The following C4orf50 variants were observed in gnomAD, a reference collection of about 807,000 sequenced individuals.
C4orf50 encodes chromosome 4 open reading frame 50.
Under a neutral mutation model 77.2 loss-of-function variants are expected in C4orf50, and 80 were observed. The ratio of observed to expected loss-of-function variants is 1.04; its 90% CI spans 0.87 to 1.25. The LOEUF is 1.25. C4orf50 is among the 50% of genes most tolerant of loss of function. The pLI is 0.00. For synonymous variants in C4orf50, 532 were observed against 465.3 expected (o/e 1.14, Z -1.84); for missense variants, 1,257 against 1,152.9 (o/e 1.09, Z -1.31).
intron 7 of C4orf50, among the ~76,000 whole-genome samples, chr4:5,936,290 G>A (rs890376376): frequency 5.3e-5 from 8 of 152,160 alleles, no homozygotes; most frequent in African/African-American, 1.2e-4. Context: ...GGATGGGTGC[G>A]GTGGCTCATG....
At chr4:5,913,158 C>G (rs1044732201) in intron 7 of C4orf50, among the ~76,000 whole-genome samples, 1 of 152,188 alleles carries the variant, frequency 6.6e-6, no homozygotes, top group African/African-American at 2.4e-5. Context: ...GTTACTTAAC[C>G]TCTTTCTTCC....
chr4:5,909,010 G>T lies in C4orf50; in HGVS notation c.*2475-10822C>A, dbSNP rs1204427098. Among the ~76,000 whole-genome samples the T allele has an allele frequency of 2.6e-5, 4 of 152,062 alleles. No individual in the cohort carries two copies. In the East Asian group the frequency reaches 7.7e-4, roughly 29 times the overall value. ...AGAGAGTTTCCTAACCAGGCTCCCTGCCTCAGGCTGTCCCCACACAATCCA... is the reference window on the plus strand; with the variant it reads ...AGAGAGTTTCCTAACCAGGCTCCCTTCCTCAGGCTGTCCCCACACAATCCA... On this transcript the variant is annotated intron_variant, in intron 7 of 7. Transcript: ENST00000324058.
Position 5,950,001 on chromosome 4 carries a change from A to AC in C4orf50, c.*2474+6899_*2474+6900insG, listed in dbSNP as rs1176781294. Among the ~76,000 whole-genome samples the AC allele has an allele frequency of 2.6e-5, 4 of 151,982 alleles. No individual in the cohort carries two copies. In the South Asian group the frequency reaches 6.2e-4, roughly 24 times the overall value. On this transcript the variant is annotated intron_variant, in intron 7 of 7. Transcript: ENST00000324058. ...TGAAACTCCATCTCAAAAAAAAAAA[A>AC]AAAAAGGTTAAAATGTAAATAAAAT...
rs768568673 is a variant in C4orf50, at chr4:6,008,136, G to T, written c.823C>A (p.Leu275Met). 1 of 399,046 alleles carries T rather than the reference G, an allele frequency of 2.5e-6. No homozygotes were observed. The highest frequency in any genetic ancestry group is 4.4e-6 in the Non-Finnish European group (1 of 226,092). 24.7% of individuals were successfully genotyped at this position (399,046 alleles called of 1,614,324 possible). A position where few individuals can be genotyped will look rare whatever the true frequency, so the allele number is the denominator to read the frequency against. ...TAGATGCAGCAGCGCAGCTCCTCCA[G>T]CTGCCCGCGGAGCTGGCGCTCGGTG... Residue 275 changes from leucine (L) to methionine (M), a missense_variant, in exon 25 of 34, where the codon CTG becomes ATG. Coordinates refer to ENST00000531445, the Ensembl canonical transcript of C4orf50. The surrounding 1 kb of genome is among the most constrained non-coding windows in gnomAD (Gnocchi z 6.0).
chr4:6,008,956 C>G lies in C4orf50; in HGVS notation c.427-424G>C, dbSNP rs1275692299. Among the ~76,000 whole-genome samples, 1 of 152,220 alleles carries G rather than the reference C, an allele frequency of 6.6e-6. No homozygotes were observed. Among genetic ancestry groups the G allele is most frequent in the Non-Finnish European group, 1.5e-5 (1 of 68,036 alleles). On this transcript the variant is annotated intron_variant, in intron 24 of 33. Coordinates refer to ENST00000531445, the Ensembl canonical transcript of C4orf50. This position sits in a 1 kb window ranked among gnomAD's most constrained non-coding sequence, Gnocchi z 6.0. ...AGAACTGCCCAGAGATCCCCACTTC[C>G]TACCTACAGGGTCAATGCTTGGCCC...
intron 33 of C4orf50, 61 bp from the exon 12 acceptor site, chr4:5,959,687 T>C: frequency 1.9e-6 from 3 of 1,543,480 alleles, no homozygotes; most frequent in African/African-American, 2.7e-5. Flanking sequence ...AGCCCCTCCA[T>C]TCACACATTT....
chr4:6,004,323 AATG>A (rs1722112358), intron 25 of C4orf50, among the ~76,000 whole-genome samples: 1 of 22,572 alleles, frequency 4.4e-5, no homozygotes, highest in Non-Finnish European at 1.1e-4. Context: ...ATGTGATCGT[AATG>A]GTGATGATGG....
At chr4:6,014,577 G>A (rs1413151701) in intron 23 of C4orf50, among the ~76,000 whole-genome samples, 1 of 152,172 alleles carries the variant, frequency 6.6e-6, no homozygotes, top group Admixed American at 6.5e-5. Context: ...CCTTTCCCCT[G>A]CCCCAGCTAG....
chr4:5,961,605 G>A (rs1167378495), intron 33 of C4orf50, among the ~76,000 whole-genome samples: 1 of 152,164 alleles, frequency 6.6e-6, no homozygotes, highest in Non-Finnish European at 1.5e-5. Flanking sequence ...CAGCTAATAG[G>A]AGCCTGCTGC....
chr4:6,014,514 T>C (rs1031428531), intron 23 of C4orf50, among the ~76,000 whole-genome samples: 6 of 152,230 alleles, frequency 3.9e-5, no homozygotes, highest in African/African-American at 1.4e-4. Flanking sequence ...TGAGAAGAAA[T>C]ACTTTTGTGC....
chr4:5,944,571 G>A (rs1352487956), intron 7 of C4orf50, among the ~76,000 whole-genome samples: 2 of 152,194 alleles, frequency 1.3e-5, no homozygotes, highest in Non-Finnish European at 2.9e-5. Context: ...CCACACCTTG[G>A]TTCATACCTC....
At chr4:5,948,793 CAAAAA>C (rs530516177) in intron 7 of C4orf50, among the ~76,000 whole-genome samples, 2 of 103,880 alleles carry the variant, frequency 1.9e-5, no homozygotes. Context: ...ACACCATCTC[CAAAAA>C]AAAAAAAAAA....
chr4:5,966,873 C>T (rs554867989), intron 32 of C4orf50, among the ~76,000 whole-genome samples: 15 of 152,278 alleles, frequency 9.9e-5, no homozygotes, highest in African/African-American at 3.6e-4. Flanking sequence ...TGGTCTCCAT[C>T]TCTTGACCTC....
chr4:5,930,667 G>A (rs923191658), intron 7 of C4orf50, among the ~76,000 whole-genome samples: 1 of 152,310 alleles, frequency 6.6e-6, no homozygotes, highest in East Asian at 1.9e-4. Context: ...CCCTGGGTGG[G>A]TCTGCTCATC....
In C4orf50 at chr4:5,979,820, G is replaced by A. The variant is rs562015709; in HGVS notation, c.3864+354C>T. ...CGTGTGTGTCTGCGTGTTAAGTCCC[G>A]TGCAATTCTGGTACCTGTATAGGTT... On this transcript the variant is annotated intron_variant, in intron 29 of 33. Coordinates refer to ENST00000531445, the Ensembl canonical transcript of C4orf50. Among the ~76,000 whole-genome samples, 30 of 152,298 alleles carry A rather than the reference G, an allele frequency of 2.0e-4. No homozygotes were observed. The South Asian group carries it at 3.9e-3, about 20-fold the overall frequency.
At chr4:5,985,401 T>TA (rs1720805595) in intron 28 of C4orf50, among the ~76,000 whole-genome samples, 1 of 151,908 alleles carries the variant, frequency 6.6e-6, no homozygotes, top group Admixed American at 6.6e-5. Flanking sequence ...AAATAAATAA[T>TA]AAAAAGTAAA....
rs1018421065 is a variant in C4orf50 at position 5,932,293 on chromosome 4, TGAG to T, written c.*2474+24605_*2474+24607del. Among the ~76,000 whole-genome samples the T allele has an allele frequency of 5.9e-5, 9 of 151,974 alleles. No homozygotes were observed. Among genetic ancestry groups the T allele is most frequent in the African/African-American group, 2.2e-4 (9 of 41,370 alleles). ...TTGGCCCATTTATGGAGCACGCACA[TGAG>T]TAGCGAGGCTGGGCTCCGTAAAGAA... is the stretch of plus-strand genomic sequence containing the variant. On this transcript the variant is annotated intron_variant, in intron 7 of 7. Transcript: ENST00000324058. The surrounding 1 kb of genome is among the most constrained non-coding windows in gnomAD (Gnocchi z 4.2).
intron 33 of C4orf50, among the ~76,000 whole-genome samples, chr4:5,964,045 T>C (rs1719415047): frequency 6.6e-6 from 1 of 152,160 alleles, no homozygotes; most frequent in Non-Finnish European, 1.5e-5. Context: ...TAACAGAACA[T>C]TTGTCTGAAG....
chr4:5,962,105 G>A (rs542835628), intron 33 of C4orf50, among the ~76,000 whole-genome samples: 9 of 152,216 alleles, frequency 5.9e-5, no homozygotes, highest in Non-Finnish European at 1.3e-4. Flanking sequence ...TGGGAACCAG[G>A]AGCAGGTGCC....
Sources: allele counts gnomAD v4.1 joint callset (sites outside exome capture counted in the v4.1 genomes callset), GRCh38; gene constraint gnomAD v4.1.1; non-coding constraint Gnocchi (gnomAD v3.1); transcripts MANE v1.5; gene names NCBI Gene and HGNC (gene_info 2026-07-23, HGNC 2026-07-21).